The following PLEKHA7 variants were observed in gnomAD, a reference collection of about 807,000 sequenced individuals.
PLEKHA7 encodes pleckstrin homology domain-containing family A member 7.
In PLEKHA7, 104 loss-of-function variants were observed where a neutral mutation model predicts 170.0. The observed-to-expected ratio is 0.61, with a 90% CI of 0.52 to 0.72. The LOEUF (loss-of-function observed/expected upper bound fraction) is 0.72. PLEKHA7 is among the 30% of genes least tolerant of loss of function. The pLI is 0.00. For missense variants in PLEKHA7, 1,615 were observed against 1,671.7 expected, an observed-to-expected ratio of 0.97 and a Z score of 0.59; for synonymous variants, 648 against 660.8, an observed-to-expected ratio of 0.98 and a Z score of 0.30.
intron 3 of PLEKHA7, among the ~76,000 whole-genome samples, chr11:16,938,744 T>A (rs993098331): frequency 6.6e-6 from 1 of 152,206 alleles, no homozygotes; most frequent in Non-Finnish European, 1.5e-5. Context: ...ATGTGCAGTT[T>A]ATCTGCACCT....
intron 3 of PLEKHA7, among the ~76,000 whole-genome samples, chr11:16,999,445 C>T (rs1864537724): frequency 6.6e-6 from 1 of 152,010 alleles, no homozygotes; most frequent in South Asian, 2.1e-4. Flanking sequence ...CAAGCTCAGT[C>T]CCACCATTTC....
At position 16,778,946 on chromosome 11, in the gene PLEKHA7, G is replaced by C; in HGVS notation, c.*52C>G. On this transcript the variant is annotated 3_prime_UTR_variant, in exon 27 of 27. Coordinates refer to ENST00000531066, the MANE Select transcript of PLEKHA7 (RefSeq NM_001329630.2). ...TGGGGGCAGAAAGGTCATCTCCTTG[G>C]AGGAAGCTGGTTCCACTGGGCCCCT... 1 of 702,588 alleles carries C rather than the reference G, an allele frequency of 1.4e-6. No homozygotes were observed. Among genetic ancestry groups the C allele is most frequent in the Non-Finnish European group, 2.6e-6 (1 of 384,994 alleles). The allele number at this position is 702,588 out of a possible 1,614,324, so 43.5% of individuals were successfully genotyped here.
chr11:16,786,732 C>T (rs1849422753), intron 23 of PLEKHA7: 4 of 985,296 alleles, frequency 4.1e-6, no homozygotes, highest in South Asian at 4.7e-5. Context: ...GGGATTTGTC[C>T]CTTCCACTCT....
At chr11:16,988,247 C>T (rs1863847538) in intron 3 of PLEKHA7, among the ~76,000 whole-genome samples, 1 of 152,216 alleles carries the variant, frequency 6.6e-6, no homozygotes, top group Non-Finnish European at 1.5e-5. Context: ...ACATGCAAAG[C>T]TGAGCCTATT....
chr11:16,940,488 C>A (rs1380716523), intron 3 of PLEKHA7, among the ~76,000 whole-genome samples: 1 of 151,816 alleles, frequency 6.6e-6, no homozygotes, highest in Non-Finnish European at 1.5e-5. Flanking sequence ...CGGGGTTCCA[C>A]CAGATTGGCT....
intron 3 of PLEKHA7, among the ~76,000 whole-genome samples, chr11:17,011,421 AC>A (rs1865318730): frequency 6.6e-6 from 1 of 151,878 alleles, no homozygotes; most frequent in Non-Finnish European, 1.5e-5. Flanking sequence ...CCTCCCTCAA[AC>A]CCACATCCTC....
chr11:16,812,136 C>T (rs1849411794), intron 13 of PLEKHA7, among the ~76,000 whole-genome samples: 1 of 152,200 alleles, frequency 6.6e-6, no homozygotes, highest in African/African-American at 2.4e-5. Flanking sequence ...CTGCATCTCC[C>T]CATGTCATCT....
At chr11:16,854,194 T>C (rs1182653333) in intron 6 of PLEKHA7, among the ~76,000 whole-genome samples, 2 of 152,204 alleles carry the variant, frequency 1.3e-5, no homozygotes, top group Non-Finnish European at 2.9e-5. Flanking sequence ...TCTCTAGCTC[T>C]GGGAACTCAC....
intron 3 of PLEKHA7, among the ~76,000 whole-genome samples, chr11:16,911,404 C>G (rs187865256): frequency 9.8e-5 from 15 of 152,292 alleles, no homozygotes; most frequent in African/African-American, 3.6e-4. Flanking sequence ...TGGAACAAAG[C>G]TCCAACCACA....
At chr11:16,801,537 C>T (rs946323245) in intron 16 of PLEKHA7, 131 bp downstream of exon 16, 6 of 1,157,540 alleles carry the variant, frequency 5.2e-6, no homozygotes, top group Non-Finnish European at 6.1e-6. Flanking sequence ...GGCAGTTCTG[C>T]TACTGGAGAA....
At chr11:16,783,065 C>T (rs1318171554) in intron 25 of PLEKHA7, among the ~76,000 whole-genome samples, 169 bp from the exon 26 acceptor site, 6 of 152,220 alleles carry the variant, frequency 3.9e-5, no homozygotes, top group African/African-American at 1.2e-4. Context: ...AACACCCAAA[C>T]GGTCCCAGCT....
rs754926149 is a variant in PLEKHA7 at position 16,791,189 on chromosome 11, G to A, written c.2756C>T (p.Ala919Val). ...TTCGGGGAGTGGGGGCCTGGGAGGT[G>A]CTTCATCTTCCTGCTGAGAAAGAGA... Reference protein sequence around the residue: ...TKAKPKVEDEAPPRPPLPELY... With the variant: ...TKAKPKVEDEVPPRPPLPELY... The change falls in exon 20 of 27, where the codon GCA becomes GTA. Residue 919 changes from alanine to valine, a missense_variant. Physicochemically the swap from Ala to Val is moderately conservative, Grantham distance 64. Coordinates refer to ENST00000531066, the MANE Select transcript of PLEKHA7 (RefSeq NM_001329630.2). The surrounding 1 kb of genome is among the most constrained non-coding windows in gnomAD (Gnocchi z 4.5). The A allele has an allele frequency of 3.8e-6, 6 of 1,592,848 alleles. No individual in the cohort carries two copies. In the East Asian group the frequency reaches 1.3e-4, roughly 36 times the overall value.
chr11:16,837,686 T>G (rs1437228258), intron 9 of PLEKHA7, among the ~76,000 whole-genome samples: 2 of 151,298 alleles, frequency 1.3e-5, no homozygotes, highest in East Asian at 3.9e-4. Flanking sequence ...TACATGGGGG[T>G]TTAAAAAAAA....
rs528122234 is a variant in PLEKHA7, at chr11:16,902,781, A to G, written c.222-31599T>C. Among the ~76,000 whole-genome samples, 95 of 152,334 alleles carry G rather than the reference A, an allele frequency of 6.2e-4. 1 individual carries two copies. The highest frequency in any genetic ancestry group is 8.3e-4 in the South Asian group (4 of 4,832). On this transcript the variant is annotated intron_variant, in intron 3 of 26. Coordinates refer to ENST00000531066, the MANE Select transcript of PLEKHA7 (RefSeq NM_001329630.2). ...TTCAGGTTCCTTCTCTGCAATGTAG[A>G]GATAATATTAACTACCCAACAGATG...
intron 4 of PLEKHA7, among the ~76,000 whole-genome samples, chr11:16,864,535 A>G (rs1352567083): frequency 6.6e-6 from 1 of 152,176 alleles, no homozygotes; most frequent in Non-Finnish European, 1.5e-5. Context: ...TTGAATTTGT[A>G]GCTGCCATAA....
chr11:16,996,585 C>T (rs765977385), intron 3 of PLEKHA7, among the ~76,000 whole-genome samples: 47 of 152,206 alleles, frequency 3.1e-4, no homozygotes, highest in African/African-American at 1.1e-3. Flanking sequence ...CAACAGCTTA[C>T]GGTCCTCAGC....
chr11:16,885,998 G>GAAAA (rs34201509), intron 3 of PLEKHA7, among the ~76,000 whole-genome samples: 2 of 142,996 alleles, frequency 1.4e-5, no homozygotes, highest in Non-Finnish European at 1.5e-5. Context: ...GACTCCATCG[G>GAAAA]AAAAAAAAAA....
intron 3 of PLEKHA7, among the ~76,000 whole-genome samples, chr11:16,986,370 A>C (rs534305706): frequency 6.6e-6 from 1 of 152,292 alleles, no homozygotes; most frequent in East Asian, 1.9e-4. Flanking sequence ...CACAGGTGCA[A>C]GACCCCATGG....
At position 16,816,877 on chromosome 11, in the gene PLEKHA7, T is replaced by G; in HGVS notation, c.1789A>C (p.Lys597Gln). ...ACACTCCTCCTCTGGTCCGGTGGCT[T>G]CACTGTGACTCGCTCTGCTGGTGTG... ...PHTPAERVTV[K>Q]PPDQRRSVDI... is the part of the protein sequence containing the mutation. The change falls in exon 11 of 27, where the codon AAG (lysine) becomes CAG (glutamine). Residue 597 changes from lysine to glutamine, a missense_variant. Lys to Gln is a moderately conservative substitution (Grantham distance 53). Transcript: ENST00000531066. The G allele has an allele frequency of 6.2e-7, 1 of 1,614,086 alleles. No individual in the cohort carries two copies. Among genetic ancestry groups the G allele is most frequent in the East Asian group, 2.2e-5 (1 of 44,872 alleles).
Sources: gnomAD v4.1 joint callset for allele counts (sites outside exome capture counted in the v4.1 genomes callset) on GRCh38, gnomAD v4.1.1 for gene constraint, Gnocchi (gnomAD v3.1) non-coding constraint, MANE v1.5 for transcripts, NCBI Gene and HGNC (gene_info 2026-07-23, HGNC 2026-07-21) for gene names.